Variants in COL4A6 observed in about 807,000 individuals in gnomAD.
COL4A6 encodes collagen alpha-6(IV) chain.
A neutral mutation model predicts 126.7 loss-of-function variants in COL4A6; 59 were observed. That is an observed-to-expected ratio of 0.47 (90% CI 0.38 to 0.58). The LOEUF is 0.58. Ranked by LOEUF, COL4A6 falls within the 20% of genes least tolerant of loss-of-function variation. The pLI is 0.00. For synonymous variants in COL4A6, 547 were observed against 496.6 expected (o/e 1.10, Z -1.35); for missense variants, 1,285 against 1,337.3 (o/e 0.96, Z 0.61).
intron 41 of COL4A6, among the ~76,000 whole-genome samples, chrX:108,162,631 G>C (rs1332445006): frequency 9.0e-6 from 1 of 110,949 alleles, no homozygotes; most frequent in African/African-American, 3.3e-5. Context: ...CCATCTCTCT[G>C]CAGCACATTA....
intron 25 of COL4A6, among the ~76,000 whole-genome samples, chrX:108,179,734 G>A (rs1480300409): frequency 5.6e-5 from 6 of 107,651 alleles, no homozygotes; most frequent in African/African-American, 2.0e-4. Context: ...ATAGCATCCT[G>A]AGAAAAGTTC....
At chrX:108,330,614 A>G (rs2039273611) in intron 2 of COL4A6, among the ~76,000 whole-genome samples, 1 of 111,302 alleles carries the variant, frequency 9.0e-6, no homozygotes, top group Admixed American at 9.6e-5. Context: ...AAGACAGGGG[A>G]CAGGTAACTG....
chrX:108,393,252 T>C (rs1360469444), intron 2 of COL4A6, among the ~76,000 whole-genome samples: 6 of 112,331 alleles, frequency 5.3e-5, no homozygotes, highest in Middle Eastern at 4.6e-3. Flanking sequence ...AACCGATGAA[T>C]GGATAAACAA....
chrX:108,246,608 G>T (rs966882718), intron 3 of COL4A6, among the ~76,000 whole-genome samples: 1 of 111,833 alleles, frequency 8.9e-6, no homozygotes, highest in Non-Finnish European at 1.9e-5. Context: ...CAGATGAAAA[G>T]GTGAAGGAGA....
intron 2 of COL4A6, among the ~76,000 whole-genome samples, chrX:108,388,753 G>C (rs2040761784): frequency 9.0e-6 from 1 of 111,039 alleles, no homozygotes; most frequent in Non-Finnish European, 1.9e-5. Context: ...CTTGTCTTCT[G>C]CTAGCTTTTG....
At chrX:108,426,043 G>A (rs890022471) in intron 2 of COL4A6, among the ~76,000 whole-genome samples, 2 of 110,884 alleles carry the variant, frequency 1.8e-5, no homozygotes, top group African/African-American at 6.6e-5. Flanking sequence ...GGTGCTAGAC[G>A]GTATTTATGC....
rs142942509 is a variant in COL4A6, at chrX:108,229,445, C to T, written c.145-8071G>A. Among the ~76,000 whole-genome samples, 439 of 111,868 alleles carry T rather than the reference C, an allele frequency of 3.9e-3. 3 individuals are homozygous for T. The highest frequency in any genetic ancestry group is 0.013 in the African/African-American group (414 of 30,790). On this transcript the variant is annotated intron_variant, in intron 3 of 44. Coordinates refer to ENST00000334504, the MANE Select transcript of COL4A6 (RefSeq NM_033641.4). ...CTCCTTAGCATGCATCAGACTTACG[C>T]AGAGGTGATTAAAACACAGATTGCT...
At chrX:108,287,346 T>A (rs966612962) in intron 3 of COL4A6, among the ~76,000 whole-genome samples, 1 of 111,853 alleles carries the variant, frequency 8.9e-6, no homozygotes, top group African/African-American at 3.3e-5. Flanking sequence ...GTAAGTCAGA[T>A]GTGAATTTTA....
At chrX:108,260,927 A>G (rs1465995783) in intron 3 of COL4A6, among the ~76,000 whole-genome samples, 1 of 110,113 alleles carries the variant, frequency 9.1e-6, no homozygotes, top group Non-Finnish European at 1.9e-5. Context: ...ATAAATAAAA[A>G]CTCAGGAGTT....
intron 6 of COL4A6, among the ~76,000 whole-genome samples, chrX:108,212,003 C>T (rs1434819888): frequency 9.0e-6 from 1 of 111,413 alleles, no homozygotes; most frequent in Non-Finnish European, 1.9e-5. Flanking sequence ...AAGTCAGATA[C>T]TTTACATCTA....
intron 36 of COL4A6, 24 bp downstream of exon 36, chrX:108,169,921 C>A: frequency 5.2e-6 from 6 of 1,162,884 alleles, no homozygotes; most frequent in African/African-American, 1.8e-5. Flanking sequence ...ATGCCCTCCT[C>A]TTCACCCTGA....
intron 3 of COL4A6, among the ~76,000 whole-genome samples, chrX:108,295,335 C>T (rs2038293332): frequency 8.9e-6 from 1 of 111,803 alleles, no homozygotes; most frequent in African/African-American, 3.3e-5. Context: ...TCTGTGGGCC[C>T]AGATGGATAC....
intron 7 of COL4A6, among the ~76,000 whole-genome samples, chrX:108,210,567 C>T (rs946129157): frequency 2.7e-5 from 3 of 112,350 alleles, no homozygotes; most frequent in Non-Finnish European, 5.6e-5. Flanking sequence ...TGATATTTGG[C>T]AAAGCCATTT....
At chrX:108,334,413 C>T (rs1012304827) in intron 2 of COL4A6, among the ~76,000 whole-genome samples, 1 of 111,733 alleles carries the variant, frequency 8.9e-6, no homozygotes. Context: ...TTTCTAACTA[C>T]ACAAAACAGT....
intron 3 of COL4A6, among the ~76,000 whole-genome samples, chrX:108,282,385 C>A (rs2037864431): frequency 9.1e-6 from 1 of 110,493 alleles, no homozygotes; most frequent in Non-Finnish European, 1.9e-5. Context: ...AGCCAAAAAA[C>A]ACATGAAAAA....
intron 2 of COL4A6, among the ~76,000 whole-genome samples, chrX:108,378,332 G>T (rs1278269156): frequency 2.7e-5 from 3 of 111,210 alleles, no homozygotes; most frequent in Admixed American, 9.5e-5. Flanking sequence ...ATGTTAATAC[G>T]CACTGTGAAT....
intron 2 of COL4A6, among the ~76,000 whole-genome samples, chrX:108,350,708 C>A (rs190971371): frequency 8.1e-5 from 9 of 111,383 alleles, no homozygotes; most frequent in Admixed American, 7.7e-4. Flanking sequence ...CTAAATCTTG[C>A]GGAACGCTGA....
intron 2 of COL4A6, among the ~76,000 whole-genome samples, chrX:108,406,066 C>G (rs935860924): frequency 9.0e-6 from 1 of 111,369 alleles, no homozygotes; most frequent in Non-Finnish European, 1.9e-5. Flanking sequence ...GTCCTGGGCT[C>G]AAGTGATCTT....
At chrX:108,309,750 A>G (rs943147923) in intron 3 of COL4A6, among the ~76,000 whole-genome samples, 1 of 106,551 alleles carries the variant, frequency 9.4e-6, no homozygotes, top group Non-Finnish European at 1.9e-5. Context: ...TGTATTCACA[A>G]TGCTAGAAAT....
Sources: gnomAD v4.1 joint callset for allele counts (sites outside exome capture counted in the v4.1 genomes callset) on GRCh38, gnomAD v4.1.1 for gene constraint, MANE v1.5 for transcripts, NCBI Gene and HGNC (gene_info 2026-07-23, HGNC 2026-07-21) for gene names.